The following ACTN1 variants were observed in gnomAD, a reference collection of about 807,000 sequenced individuals.
ACTN1 encodes the protein actinin alpha 1, also known as alpha-actinin-1.
In ACTN1, 30 loss-of-function variants were observed where a neutral mutation model predicts 119.6. That is an observed-to-expected ratio of 0.25 (90% CI 0.19 to 0.34). The LOEUF is 0.34. Among genes scored for constraint, ACTN1 ranks in the 10% least tolerant of loss-of-function variants. ACTN1 has a pLI of 1.00. For missense variants in ACTN1, 764 were observed against 1,223.4 expected (o/e 0.62, Z 5.60); for synonymous variants, 429 against 472.6 (o/e 0.91, Z 1.20).
chr14:68,920,870 A>G (rs1182528329), intron 3 of ACTN1, 136 bp downstream of exon 3: 4 of 1,215,572 alleles, frequency 3.3e-6, no homozygotes, highest in Non-Finnish European at 4.6e-6. Flanking sequence ...ACAGGCGACC[A>G]GATGGAGGTG....
intron 1 of ACTN1, chr14:68,977,923 C>T (rs1204831746): frequency 4.4e-6 from 2 of 455,034 alleles, no homozygotes. Context: ...ATTCAGGGTA[C>T]GTGGCCGCCT....
At position 68,885,695 on chromosome 14, in the gene ACTN1, C is replaced by T. The variant is rs2031944453; in HGVS notation, c.1235-120G>A. On this transcript the variant is annotated intron_variant, in intron 11 of 21. Transcript: ENST00000394419. The surrounding 1 kb of genome is among the most constrained non-coding windows in gnomAD (Gnocchi z 5.6). ...TGGGGGTGCTTCTCAAGGAGGTGCCCATTGTGCAGGGATCTGCAGGGTGCA... is the reference window on the plus strand; with the variant it reads ...TGGGGGTGCTTCTCAAGGAGGTGCCTATTGTGCAGGGATCTGCAGGGTGCA... 2 of 1,214,724 alleles carry T rather than the reference C, an allele frequency of 1.6e-6. No homozygotes were observed. Among genetic ancestry groups the T allele is most frequent in the Admixed American group, 2.4e-5 (1 of 41,476 alleles). 75.2% of individuals were successfully genotyped at this position (1,214,724 alleles called of 1,614,324 possible).
chr14:68,904,809 G>T, intron 6 of ACTN1, 73 bp from the exon 7 acceptor site: 1 of 1,341,266 alleles, frequency 7.5e-7, no homozygotes, highest in Non-Finnish European at 1.1e-6. Context: ...CCAATTGGGT[G>T]GCCACCCAAA....
chr14:68,963,255 C>T (rs1467771536), intron 1 of ACTN1, among the ~76,000 whole-genome samples: 2 of 152,184 alleles, frequency 1.3e-5, no homozygotes, highest in Admixed American at 1.3e-4. Context: ...ATTCTCTATA[C>T]CAGATGTGAT....
At chr14:68,978,261 C>T (rs188565651) in intron 1 of ACTN1, 313 of 455,266 alleles carry the variant, frequency 6.9e-4, no homozygotes, top group Non-Finnish European at 1.1e-3. Context: ...AAGCCCATGT[C>T]GGGGTTACAG....
chr14:68,915,859 C>T (rs894930706), intron 3 of ACTN1, among the ~76,000 whole-genome samples: 3 of 152,184 alleles, frequency 2.0e-5, no homozygotes, highest in African/African-American at 7.2e-5. Flanking sequence ...TCCACTAAAA[C>T]AGAAATTAGG....
intron 4 of ACTN1, 140 bp from the exon 5 acceptor site, chr14:68,910,182 T>G (rs769075242): frequency 1.6e-6 from 1 of 625,034 alleles, no homozygotes; most frequent in Non-Finnish European, 2.8e-6. Context: ...ATCAAGTCTA[T>G]TCCCTTGACA....
intron 1 of ACTN1, among the ~76,000 whole-genome samples, chr14:68,957,970 A>C (rs2036405647): frequency 6.6e-6 from 1 of 152,180 alleles, no homozygotes; most frequent in Non-Finnish European, 1.5e-5. Context: ...CCAGACAGGA[A>C]CTTGAGGAAC....
intron 1 of ACTN1, among the ~76,000 whole-genome samples, chr14:68,975,412 A>T (rs1398727244): frequency 6.6e-6 from 1 of 152,218 alleles, no homozygotes; most frequent in African/African-American, 2.4e-5. Context: ...GCTCGCATCA[A>T]GCCAGCAAGG....
At chr14:68,954,860 A>C (rs1429993359) in intron 1 of ACTN1, among the ~76,000 whole-genome samples, 1 of 152,154 alleles carries the variant, frequency 6.6e-6, no homozygotes, top group African/African-American at 2.4e-5. Flanking sequence ...TCTTTTTAAA[A>C]ATTGTTCCTC....
rs189804318 is a variant in ACTN1 at position 68,878,825 on chromosome 14, G to A, written c.2361+164C>T. 355 of 1,594,118 alleles carry A rather than the reference G, an allele frequency of 2.2e-4. No homozygotes were observed. The African/African-American group carries it at 4.4e-3, about 20-fold the overall frequency. ...CCATGAAAGACAGCAGAGGGCAGAG[G>A]GTGGACCAGTGATGGGGCAGACAGA... On this transcript the variant is annotated intron_variant, in intron 19 of 21. Coordinates refer to ENST00000394419, the MANE Select transcript of ACTN1 (RefSeq NM_001130004.2). The surrounding 1 kb of genome is among the most constrained non-coding windows in gnomAD (Gnocchi z 4.4).
chr14:68,899,307 ACAC>A (rs2033132881), intron 8 of ACTN1, among the ~76,000 whole-genome samples: 1 of 146,356 alleles, frequency 6.8e-6, no homozygotes, highest in South Asian at 2.2e-4. Context: ...CACCCACAGC[ACAC>A]CACACCCACA....
rs1320745846 is a variant in ACTN1 at position 68,885,564 on chromosome 14, T to C, written c.1246A>G (p.Met416Val). 2 of 1,613,338 alleles carry C rather than the reference T, an allele frequency of 1.2e-6. No homozygotes were observed. Among genetic ancestry groups the C allele is most frequent in the Non-Finnish European group, 1.7e-6 (2 of 1,179,976 alleles). ...HEAWTDGKEA[M>V]LRQKDYETAT... ...GTCTCATAGTCCTTCTGTCGCAGCATGGCCTCTTTGCCTGGGTTGAGAGAG... is the reference window on the plus strand; with the variant it reads ...GTCTCATAGTCCTTCTGTCGCAGCACGGCCTCTTTGCCTGGGTTGAGAGAG... Residue 416 changes from methionine (M) to valine (V), a missense_variant, in exon 12 of 22, where the codon ATG becomes GTG. By Grantham distance (21) the Met-to-Val change is conservative. Around this residue, in one of 4 missense-constraint regions of ACTN1, gnomAD observed 544 missense variants for 912.0 expected, o/e 0.60. Coordinates refer to ENST00000394419, the MANE Select transcript of ACTN1 (RefSeq NM_001130004.2). The surrounding 1 kb of genome is among the most constrained non-coding windows in gnomAD (Gnocchi z 5.6).
chr14:68,912,280 C>T lies in ACTN1; in HGVS notation c.341-38G>A, dbSNP rs372967363. 1,848 of 1,557,030 alleles carry T rather than the reference C, an allele frequency of 1.2e-3. 2 individuals carry two copies. The highest frequency in any genetic ancestry group is 1.5e-3 in the Non-Finnish European group (1,732 of 1,128,344). On this transcript the variant is annotated intron_variant, in intron 3 of 21. Transcript: ENST00000394419. ...CAGCAGCACACATCAGAAAGGGCCTCAGCGGGGACAGAATTAACACTCCCT... is the reference window on the plus strand; with the variant it reads ...CAGCAGCACACATCAGAAAGGGCCTTAGCGGGGACAGAATTAACACTCCCT...
intron 2 of ACTN1, 108 bp from the exon 3 acceptor site, chr14:68,921,233 ATGTGCATG>A: frequency 2.1e-6 from 3 of 1,415,388 alleles, no homozygotes; most frequent in Non-Finnish European, 2.9e-6. Flanking sequence ...AGGCAGAAGC[ATGTGCATG>A]TGTGCACGTG....
chr14:68,885,406 G>T lies in ACTN1; in HGVS notation c.1385+19C>A. On this transcript the variant is annotated intron_variant, in intron 12 of 21. Coordinates refer to ENST00000394419, the MANE Select transcript of ACTN1 (RefSeq NM_001130004.2). This position sits in a 1 kb window ranked among gnomAD's most constrained non-coding sequence, Gnocchi z 5.6. ...CCTCAGCCCCTCACCACAGGGTAGGGGTGTCTGGGGCCACCTACTTGAGCT... is the reference window on the plus strand; with the variant it reads ...CCTCAGCCCCTCACCACAGGGTAGGTGTGTCTGGGGCCACCTACTTGAGCT... 1 of 1,603,806 alleles carries T rather than the reference G, an allele frequency of 6.2e-7. No individual in the cohort carries two copies. The highest frequency in any genetic ancestry group is 8.5e-7 in the Non-Finnish European group (1 of 1,173,644).
chr14:68,896,859 T>C (rs11626631), intron 8 of ACTN1, among the ~76,000 whole-genome samples: 21,950 of 152,256 alleles, frequency 0.14, 1,802 homozygotes, highest in African/African-American at 0.21. Flanking sequence ...ATGTAACAGA[T>C]AATTGATGGC....
chr14:68,947,192 T>C (rs2035971735), intron 1 of ACTN1, among the ~76,000 whole-genome samples: 1 of 152,210 alleles, frequency 6.6e-6, no homozygotes, highest in Non-Finnish European at 1.5e-5. Flanking sequence ...TTTTAACAAG[T>C]AACAAGTACT....
intron 1 of ACTN1, chr14:68,977,785 G>C: frequency 2.9e-6 from 1 of 348,408 alleles, no homozygotes. Flanking sequence ...CTATCCAAAG[G>C]GACGCGCCAT....
Sources: allele counts gnomAD v4.1 joint callset (sites outside exome capture counted in the v4.1 genomes callset), GRCh38; gene constraint gnomAD v4.1.1; regional missense constraint gnomAD v4.1.1; non-coding constraint Gnocchi (gnomAD v3.1); transcripts MANE v1.5; gene names NCBI Gene and HGNC (gene_info 2026-07-23, HGNC 2026-07-21).